The following SEZ6L2 variants were observed in gnomAD, a reference collection of about 807,000 sequenced individuals.
SEZ6L2 encodes the protein seizure 6-like protein 2.
SEZ6L2 carries 44 observed loss-of-function variants against 97.0 expected under a neutral mutation model. The ratio of observed to expected loss-of-function variants is 0.45; its 90% CI spans 0.36 to 0.58. The LOEUF is 0.58. Among genes scored for constraint, SEZ6L2 ranks in the 20% least tolerant of loss-of-function variants. The probability of loss-of-function intolerance (pLI) is 0.00; values close to 1 mark genes in which losing one functional copy is unlikely to be tolerated. For missense variants in SEZ6L2, 1,086 were observed against 1,233.3 expected (o/e 0.88, Z 1.79); for synonymous variants, 543 against 546.1 (o/e 0.99, Z 0.08).
chr16:29,887,425 C>G (rs1412003669), intron 7 of SEZ6L2, among the ~76,000 whole-genome samples: 1 of 150,680 alleles, frequency 6.6e-6, no homozygotes, highest in African/African-American at 2.4e-5. Flanking sequence ...CTCAGCCTCC[C>G]GAGTAGCTGG....
chr16:29,894,100 ACC>A (rs2150813280), intron 5 of SEZ6L2, among the ~76,000 whole-genome samples: 1 of 152,262 alleles, frequency 6.6e-6, no homozygotes, highest in Admixed American at 6.5e-5. Flanking sequence ...TGAACTCCTG[ACC>A]TCAGGTGATC....
intron 14 of SEZ6L2, 39 bp from the exon 15 acceptor site, chr16:29,872,782 A>C (rs368467084): frequency 6.1e-6 from 6 of 983,478 alleles, no homozygotes; most frequent in Non-Finnish European, 9.1e-6. Flanking sequence ...GGTCTGAGCC[A>C]GGGAGGGGAG....
chr16:29,895,988 G>C (rs1471611736), intron 3 of SEZ6L2, 128 bp from the exon 4 acceptor site: 1 of 1,000,266 alleles, frequency 1.0e-6, no homozygotes, highest in African/African-American at 1.6e-5. Context: ...TTTGAGACAG[G>C]GTCTCGCTCT....
Position 29,873,757 on chromosome 16 carries a change from G to T in SEZ6L2, c.2105-28C>A. On this transcript the variant is annotated intron_variant, in intron 12 of 17. Transcript: ENST00000617533. This position sits in a 1 kb window ranked among gnomAD's most constrained non-coding sequence, Gnocchi z 4.3. ...GGTGGCAGAAGAACAAGGTCAGGGG[G>T]AGCGAGGGCCTTCAAAGATCAGCCT... The T allele has an allele frequency of 6.5e-7, 1 of 1,534,882 alleles. No individual in the cohort carries two copies. Among genetic ancestry groups the T allele is most frequent in the South Asian group, 1.2e-5 (1 of 80,730 alleles).
chr16:29,881,152 C>T (rs2068021168), intron 8 of SEZ6L2, among the ~76,000 whole-genome samples: 1 of 152,112 alleles, frequency 6.6e-6, no homozygotes, highest in Non-Finnish European at 1.5e-5. Flanking sequence ...TAACACTCCT[C>T]ATTCACATAT....
intron 7 of SEZ6L2, among the ~76,000 whole-genome samples, chr16:29,886,206 TA>T (rs1365786578): frequency 5.9e-5 from 9 of 152,040 alleles, no homozygotes; most frequent in African/African-American, 2.2e-4. Flanking sequence ...CCATGTTTAC[TA>T]AAAATACAAA....
At chr16:29,885,089 C>T (rs936713332) in intron 8 of SEZ6L2, among the ~76,000 whole-genome samples, 5 of 144,204 alleles carry the variant, frequency 3.5e-5, no homozygotes, top group East Asian at 2.1e-4. Context: ...GTGCCTGTAG[C>T]CCCAGCTACT....
In SEZ6L2 at chr16:29,877,462, T is replaced by G; in HGVS notation, c.1718A>C (p.Asn573Thr). Residue 573 changes from asparagine (N) to threonine (T), a missense_variant, in exon 11 of 18, where the codon AAT becomes ACT. Physicochemically the swap from Asn to Thr is moderately conservative, Grantham distance 65. This residue lies in a region of SEZ6L2 where 776 missense variants were observed against 794.7 expected (regional missense o/e 0.98). Coordinates refer to ENST00000617533, the MANE Select transcript of SEZ6L2 (RefSeq NM_001243332.2). ...CGTCAGCATGTCCCCTTCCCGCACATTCAATCTGCAGGGGGTGAGACCAGG... is the reference window on the plus strand; with the variant it reads ...CGTCAGCATGTCCCCTTCCCGCACAGTCAATCTGCAGGGGGTGAGACCAGG... ...KRILLQVEIL[N>T]VREGDMLTLF... 1 of 1,590,652 alleles carries G rather than the reference T, an allele frequency of 6.3e-7. No homozygotes were observed. The highest frequency in any genetic ancestry group is 8.6e-7 in the Non-Finnish European group (1 of 1,167,824).
Position 29,872,524 on chromosome 16 carries a change from T to C in SEZ6L2, c.2530A>G (p.Thr844Ala). Residue 844 changes from threonine to alanine, a missense_variant and splice_region_variant, in exon 16 of 18, where the codon ACC (threonine) becomes GCC (alanine). Coordinates refer to ENST00000617533, the MANE Select transcript of SEZ6L2 (RefSeq NM_001243332.2). ...TGCCGTGATGGATCTGTGGTCTGGG[T>C]CACTACAGGAGGAGGAGAGGCCGGT... ...ELLDNRKLEV[T>A]QTTDPSRQLE... 1.2e-6 allele frequency: 2 copies of C among 1,613,954 alleles called. No homozygotes were observed. The highest frequency in any genetic ancestry group is 1.7e-6 in the Non-Finnish European group (2 of 1,179,932).
intron 8 of SEZ6L2, among the ~76,000 whole-genome samples, chr16:29,885,311 C>G (rs1189315553): frequency 6.6e-6 from 1 of 152,104 alleles, no homozygotes. Context: ...GAAGCCAGCA[C>G]AGAGGAAAGA....
rs763287727 is a variant in SEZ6L2 at position 29,895,302 on chromosome 16, G to A, written c.810C>T (p.Ser270=). Residue 270 remains serine, a synonymous_variant, in exon 5 of 18, where the codon AGC becomes AGT. Coordinates refer to ENST00000617533, the MANE Select transcript of SEZ6L2 (RefSeq NM_001243332.2). ...AGCCACCGCCCCTTGGGACCCGTGG[G>A]CTCTGGAAGTGCAGAAGCAGCCGGT... ...PTNRLLLHFQ[S]PRVPRGGGFR... is the part of the protein sequence containing the mutation. 3 of 1,614,096 alleles carry A rather than the reference G, an allele frequency of 1.9e-6. No individual in the cohort carries two copies. The South Asian group carries it at 3.3e-5, about 18-fold the overall frequency.
chr16:29,899,010 G>A lies in SEZ6L2; in HGVS notation c.10C>T (p.Pro4Ser), dbSNP rs1472484271. 1.2e-6 allele frequency: 2 copies of A among 1,609,958 alleles called. No homozygotes were observed. MGT[P>S]RAQHPPPPQL... is the part of the protein sequence containing the mutation. ...GGAGGCGGCGGGTGCTGGGCCCTGG[G>A]AGTCCCCATGGCGACTCACCCCGAT... The change falls in exon 1 of 18, where the codon CCC becomes TCC. Residue 4 changes from proline (P) to serine (S), a missense_variant. Coordinates refer to ENST00000617533, the MANE Select transcript of SEZ6L2 (RefSeq NM_001243332.2).
intron 12 of SEZ6L2, among the ~76,000 whole-genome samples, chr16:29,874,250 T>A (rs987031489): frequency 1.3e-5 from 2 of 152,074 alleles, no homozygotes; most frequent in African/African-American, 4.8e-5. Flanking sequence ...GGGGTGAAAT[T>A]CAAAATATTT....
At position 29,871,513 on chromosome 16, in the gene SEZ6L2, C is replaced by A. The variant is rs369416548; in HGVS notation, c.*186G>T. 2 of 653,598 alleles carry A rather than the reference C, an allele frequency of 3.1e-6. No individual in the cohort carries two copies. Among genetic ancestry groups the A allele is most frequent in the Non-Finnish European group, 2.8e-6 (1 of 363,052 alleles). The allele number at this position is 653,598 out of a possible 1,614,324, so 40.5% of individuals were successfully genotyped here. A position where few individuals can be genotyped will look rare whatever the true frequency, so the allele number is the denominator to read the frequency against. On this transcript the variant is annotated 3_prime_UTR_variant, in exon 18 of 18. Coordinates refer to ENST00000617533, the MANE Select transcript of SEZ6L2 (RefSeq NM_001243332.2). ...GCAACTGAGAAGAGGCGGCTTTGGG[C>A]GGCAGGATGCTGGTTTATTTACTGT...
intron 12 of SEZ6L2, among the ~76,000 whole-genome samples, chr16:29,875,918 C>T (rs538762556): frequency 6.6e-6 from 1 of 151,856 alleles, no homozygotes; most frequent in Non-Finnish European, 1.5e-5. Context: ...GCACCTGGCC[C>T]TTTCTGCTCT....
At chr16:29,878,670 T>G (rs1171569695) in intron 9 of SEZ6L2, among the ~76,000 whole-genome samples, 1 of 147,736 alleles carries the variant, frequency 6.8e-6, no homozygotes, top group Non-Finnish European at 1.5e-5. Context: ...CTGCAAGCTC[T>G]GCCTCCCTGG....
Position 29,873,877 on chromosome 16 carries a change from G to A in SEZ6L2, c.2105-148C>T, listed in dbSNP as rs1213447700. 2.5e-5 allele frequency: 18 copies of A among 723,716 alleles called. No individual in the cohort carries two copies. Among genetic ancestry groups the A allele is most frequent in the African/African-American group, 5.3e-5 (3 of 56,130 alleles). The allele number at this position is 723,716 out of a possible 1,614,324, so 44.8% of individuals were successfully genotyped here. A position where few individuals can be genotyped will look rare whatever the true frequency, so the allele number is the denominator to read the frequency against. On this transcript the variant is annotated intron_variant, in intron 12 of 17. Coordinates refer to ENST00000617533, the MANE Select transcript of SEZ6L2 (RefSeq NM_001243332.2). This position sits in a 1 kb window ranked among gnomAD's most constrained non-coding sequence, Gnocchi z 4.3. ...TGGTTCCAGCTACTCAGGAGTTGGA[G>A]GCGGGATGATCGCTCGAACCCAGCA... is the stretch of plus-strand genomic sequence containing the variant.
rs561058746 is a variant in SEZ6L2 at position 29,878,349 on chromosome 16, G to A, written c.1650C>T (p.Gly550=). The part of the protein sequence containing the change: ...SPDWPQSYSP[G]QDCVWGVHVQ... ...CGTGCACGCCCCACACGCAGTCTTG[G>A]CCCGGGCTATAGCTCTGGGGCCAGT... is the stretch of plus-strand genomic sequence containing the variant. Residue 550 remains glycine, a synonymous_variant, in exon 10 of 18, where the codon GGC becomes GGT. Coordinates refer to ENST00000617533, the MANE Select transcript of SEZ6L2 (RefSeq NM_001243332.2). 6.2e-7 allele frequency: 1 copy of A among 1,606,912 alleles called. No individual in the cohort carries two copies. Among genetic ancestry groups the A allele is most frequent in the Non-Finnish European group, 8.5e-7 (1 of 1,176,390 alleles).
chr16:29,885,518 C>G lies in SEZ6L2; in HGVS notation c.1372+68G>C. 3 of 1,531,762 alleles carry G rather than the reference C, an allele frequency of 2.0e-6. No individual in the cohort carries two copies. In the South Asian group the frequency reaches 3.5e-5, roughly 18 times the overall value. 94.9% of individuals were successfully genotyped at this position (1,531,762 alleles called of 1,614,324 possible). ...ACAGGCATAGAGTTTGTGCTTCCGA[C>G]TATGCTTGGTGTCAGGAAGAGGGGA... On this transcript the variant is annotated intron_variant, in intron 8 of 17. Transcript: ENST00000617533.
Sources: allele counts gnomAD v4.1 joint callset (sites outside exome capture counted in the v4.1 genomes callset), GRCh38; gene constraint gnomAD v4.1.1; regional missense constraint gnomAD v4.1.1; non-coding constraint Gnocchi (gnomAD v3.1); transcripts MANE v1.5; gene names NCBI Gene and HGNC (gene_info 2026-07-23, HGNC 2026-07-21).